CTTNBP2: variants seen among roughly 807,000 people sequenced by gnomAD.
CTTNBP2 encodes cortactin binding protein 2, also known as cortactin-binding protein 2.
In CTTNBP2, 108 loss-of-function variants were observed where a neutral mutation model predicts 156.9. That is an observed-to-expected ratio of 0.69 (90% confidence interval 0.59 to 0.81). The LOEUF (loss-of-function observed/expected upper bound fraction) is 0.81. CTTNBP2 is among the 30% of genes least tolerant of loss of function. CTTNBP2 has a pLI of 0.00. For missense variants in CTTNBP2, 1,924 were observed against 2,035.4 expected, an observed-to-expected ratio of 0.95 and a Z score of 1.05; for synonymous variants, 767 against 751.8, an observed-to-expected ratio of 1.02 and a Z score of -0.33.
chr7:117,726,042 G>C (rs79782523), intron 17 of CTTNBP2, among the ~76,000 whole-genome samples: 1,978 of 152,288 alleles, frequency 0.013, 43 homozygotes, highest in African/African-American at 0.044. Context: ...GCAAGGGTGC[G>C]TGTGGGTGGG....
chr7:117,843,614 A>G (rs913073473), intron 2 of CTTNBP2, among the ~76,000 whole-genome samples: 1 of 152,216 alleles, frequency 6.6e-6, no homozygotes, highest in Non-Finnish European at 1.5e-5. Context: ...TAGATTATGC[A>G]GCCTTGAGGC....
In CTTNBP2 at chr7:117,735,106, AC is replaced by A. The variant is rs763510110; in HGVS notation, c.3689-7del. The A allele has an allele frequency of 7.3e-5, 117 of 1,609,000 alleles. No individual in the cohort carries two copies. In the East Asian group the frequency reaches 2.3e-3, roughly 32 times the overall value. On this transcript the variant is annotated splice_region_variant and splice_polypyrimidine_tract_variant and intron_variant, in intron 15 of 22. Coordinates refer to ENST00000160373, the MANE Select transcript of CTTNBP2 (RefSeq NM_033427.3). ...ACATTCGGACAGTCCATTTCCTGAA[AC>A]AAACCAAAAAGCAATGGCCCATCCT...
intron 2 of CTTNBP2, among the ~76,000 whole-genome samples, chr7:117,823,157 A>C (rs1801068530): frequency 6.6e-6 from 1 of 152,168 alleles, no homozygotes; most frequent in South Asian, 2.1e-4. Context: ...TAAATGTTTT[A>C]ATTTATATTA....
At chr7:117,725,029 CCT>C in intron 18 of CTTNBP2, 21 bp downstream of exon 18, 3 of 1,605,006 alleles carry the variant, frequency 1.9e-6, no homozygotes, top group Non-Finnish European at 2.6e-6. Flanking sequence ...AATTTCCTCT[CCT>C]CTCTGCAGAA....
chr7:117,786,713 G>A (rs2116831592), intron 4 of CTTNBP2, among the ~76,000 whole-genome samples: 1 of 152,154 alleles, frequency 6.6e-6, no homozygotes, highest in East Asian at 1.9e-4. Flanking sequence ...ATTCTTTTGG[G>A]TTTTGTTTAC....
intron 2 of CTTNBP2, among the ~76,000 whole-genome samples, chr7:117,845,858 C>CTT (rs553063917): frequency 6.8e-6 from 1 of 148,100 alleles, no homozygotes; most frequent in Non-Finnish European, 1.5e-5. Context: ...ATTTTTTTTT[C>CTT]TTTTTTTTTT....
intron 2 of CTTNBP2, among the ~76,000 whole-genome samples, chr7:117,839,155 T>A (rs909758383): frequency 6.6e-6 from 1 of 152,172 alleles, no homozygotes; most frequent in African/African-American, 2.4e-5. Flanking sequence ...CAGAATTTCA[T>A]CACAGTTCGT....
intron 5 of CTTNBP2, among the ~76,000 whole-genome samples, chr7:117,783,830 G>C (rs1007461599): frequency 6.6e-6 from 1 of 151,866 alleles, no homozygotes; most frequent in Non-Finnish European, 1.5e-5. Context: ...ACAACTTCTC[G>C]GTTCTTTTAA....
chr7:117,781,919 T>C (rs1369186529), intron 6 of CTTNBP2, among the ~76,000 whole-genome samples: 1 of 152,204 alleles, frequency 6.6e-6, no homozygotes, highest in East Asian at 1.9e-4. Flanking sequence ...AGTCAGGATA[T>C]GTCCCAAGAG....
intron 3 of CTTNBP2, among the ~76,000 whole-genome samples, chr7:117,805,182 C>A (rs917522796): frequency 2.0e-5 from 3 of 152,018 alleles, no homozygotes; most frequent in African/African-American, 4.8e-5. Flanking sequence ...GGGATATTCT[C>A]TTGATTGTAG....
At chr7:117,713,746 C>T (rs147060447) in intron 22 of CTTNBP2, 1 of 152,318 alleles carries the variant, frequency 6.6e-6, no homozygotes, top group African/African-American at 2.4e-5. Flanking sequence ...CATTAAACTA[C>T]CCCTAAATCA....
At chr7:117,807,003 C>CA (rs1563026925) in intron 3 of CTTNBP2, among the ~76,000 whole-genome samples, 1 of 151,996 alleles carries the variant, frequency 6.6e-6, no homozygotes, top group Non-Finnish European at 1.5e-5. Context: ...GTGATCCGCC[C>CA]ACCTGGACCT....
In CTTNBP2 at chr7:117,767,072, C is replaced by A. The variant is rs1280305724; in HGVS notation, c.2883G>T (p.Leu961Phe). 1 of 1,580,116 alleles carries A rather than the reference C, an allele frequency of 6.3e-7. No homozygotes were observed. Among genetic ancestry groups the A allele is most frequent in the South Asian group, 1.1e-5 (1 of 90,384 alleles). Residue 961 changes from leucine (L) to phenylalanine (F), a missense_variant, in exon 9 of 23, where the codon TTG becomes TTT. Coordinates refer to ENST00000160373, the MANE Select transcript of CTTNBP2 (RefSeq NM_033427.3). ...HDVATDDCKH[L>F]LENLNALKIP... ...AACATCACTCACTCAGATTCTCCAG[C>A]AAATGCTTGCAGTCATCAGTGGCAA...
chr7:117,726,755 G>A (rs1362053001), intron 17 of CTTNBP2, among the ~76,000 whole-genome samples: 1 of 152,140 alleles, frequency 6.6e-6, no homozygotes, highest in East Asian at 1.9e-4. Context: ...AGCTGTTGAG[G>A]CAAATCCAGC....
chr7:117,716,682 A>ATGAT (rs1218910608), intron 22 of CTTNBP2, among the ~76,000 whole-genome samples: 5 of 152,186 alleles, frequency 3.3e-5, no homozygotes, highest in African/African-American at 1.2e-4. Context: ...GGCAGACATT[A>ATGAT]TGATAGAGTG....
At chr7:117,866,205 T>C (rs543233400) in intron 1 of CTTNBP2, among the ~76,000 whole-genome samples, 2 of 152,106 alleles carry the variant, frequency 1.3e-5, no homozygotes, top group South Asian at 4.1e-4. Flanking sequence ...CACAGGCCAA[T>C]ACCAAGTTTC....
intron 5 of CTTNBP2, 142 bp from the exon 6 acceptor site, chr7:117,783,103 T>A: frequency 1.7e-6 from 1 of 576,656 alleles, no homozygotes; most frequent in Non-Finnish European, 3.0e-6. Context: ...ATGGCAGACC[T>A]GAGACTCTGT....
chr7:117,779,728 G>A (rs1798300238), intron 7 of CTTNBP2, among the ~76,000 whole-genome samples: 1 of 150,152 alleles, frequency 6.7e-6, no homozygotes, highest in Non-Finnish European at 1.5e-5. Flanking sequence ...TTACATCTCT[G>A]CATATATATA....
At chr7:117,819,608 C>G (rs1325644336) in intron 2 of CTTNBP2, among the ~76,000 whole-genome samples, 1 of 152,066 alleles carries the variant, frequency 6.6e-6, no homozygotes. Flanking sequence ...GTGTCTGCAT[C>G]TCAGACACTG....
Sources: allele counts gnomAD v4.1 joint callset (sites outside exome capture counted in the v4.1 genomes callset), GRCh38; gene constraint gnomAD v4.1.1; transcripts MANE v1.5; gene names NCBI Gene and HGNC (gene_info 2026-07-23, HGNC 2026-07-21).